PPP2R5E: variants seen among roughly 807,000 people sequenced by gnomAD.
PPP2R5E encodes the protein serine/threonine-protein phosphatase 2A 56 kDa regulatory subunit epsilon isoform.
In PPP2R5E, 4 loss-of-function variants were observed where a neutral mutation model predicts 65.3. The observed-to-expected ratio is 0.06, with a 90% CI of 0.03 to 0.14. The LOEUF is 0.14. PPP2R5E is among the 10% of genes least tolerant of loss of function. The pLI is 1.00. For missense variants in PPP2R5E, 274 were observed against 556.1 expected, an observed-to-expected ratio of 0.49 and a Z score of 5.10; for synonymous variants, 183 against 187.4, an observed-to-expected ratio of 0.98 and a Z score of 0.19.
chr14:63,419,361 T>C (rs759693020), intron 4 of PPP2R5E, among the ~76,000 whole-genome samples: 8 of 152,138 alleles, frequency 5.3e-5, no homozygotes, highest in Admixed American at 6.5e-5. Context: ...TAATAAAAAG[T>C]GAAAAGGTCT....
chr14:63,388,289 C>T (rs575853469), intron 11 of PPP2R5E, among the ~76,000 whole-genome samples: 145 of 152,082 alleles, frequency 9.5e-4, no homozygotes, highest in Admixed American at 2.7e-3. Context: ...TACAGGCGCC[C>T]GCCACCACGT....
chr14:63,462,621 G>C (rs888245530), intron 2 of PPP2R5E, among the ~76,000 whole-genome samples: 2 of 152,142 alleles, frequency 1.3e-5, no homozygotes, highest in Middle Eastern at 3.4e-3. Context: ...TGTTAGTTGA[G>C]TAAGTAAATT....
chr14:63,510,271 C>A (rs1372942483), intron 2 of PPP2R5E, among the ~76,000 whole-genome samples: 2 of 152,188 alleles, frequency 1.3e-5, no homozygotes, highest in Non-Finnish European at 2.9e-5. Flanking sequence ...GAAGAGCCAC[C>A]ACTAAGACCA....
intron 5 of PPP2R5E, among the ~76,000 whole-genome samples, chr14:63,411,154 C>A (rs1048337485): frequency 6.6e-6 from 1 of 152,152 alleles, no homozygotes; most frequent in African/African-American, 2.4e-5. Flanking sequence ...GATAAAGTTA[C>A]AAGGCCTATA....
At chr14:63,418,786 C>T (rs575707966) in intron 4 of PPP2R5E, among the ~76,000 whole-genome samples, 1 of 144,106 alleles carries the variant, frequency 6.9e-6, no homozygotes, top group Non-Finnish European at 1.5e-5. Flanking sequence ...ATTCTTTTGT[C>T]TATTTTTAAA....
chr14:63,444,053 C>T (rs184174893), intron 3 of PPP2R5E, among the ~76,000 whole-genome samples: 6 of 152,288 alleles, frequency 3.9e-5, no homozygotes, highest in East Asian at 1.9e-4. Flanking sequence ...CATGTCACTC[C>T]GCCACACAGA....
chr14:63,405,662 C>G (rs909855455), intron 5 of PPP2R5E, among the ~76,000 whole-genome samples: 1 of 152,194 alleles, frequency 6.6e-6, no homozygotes, highest in African/African-American at 2.4e-5. Flanking sequence ...TGTTGCTAAA[C>G]TCTTGCCACA....
intron 4 of PPP2R5E, among the ~76,000 whole-genome samples, chr14:63,419,680 T>A (rs74060081): frequency 0.016 from 2,372 of 152,304 alleles, 59 homozygotes; most frequent in African/African-American, 0.054. Flanking sequence ...AACTTTACTA[T>A]GAATGAAGGT....
At chr14:63,528,957 CAA>C (rs1893296703) in intron 2 of PPP2R5E, among the ~76,000 whole-genome samples, 1 of 152,004 alleles carries the variant, frequency 6.6e-6, no homozygotes, top group Non-Finnish European at 1.5e-5. Flanking sequence ...AGTGAACAAA[CAA>C]AGATAAAATA....
rs1041549312 is a variant in PPP2R5E, at chr14:63,490,248, C to A, written c.158-36363G>T. Among the ~76,000 whole-genome samples, 4 of 151,754 alleles carry A rather than the reference C, an allele frequency of 2.6e-5. 1 individual carries two copies. ...AACCATATGCAGAACGAAACTCGAC[C>A]CCTACACCTTTCACCATATACAAAA... is the stretch of plus-strand genomic sequence containing the variant. On this transcript the variant is annotated intron_variant, in intron 2 of 13. Coordinates refer to ENST00000337537, the MANE Select transcript of PPP2R5E (RefSeq NM_006246.5).
chr14:63,522,262 C>G (rs967906616), intron 2 of PPP2R5E, among the ~76,000 whole-genome samples: 5 of 152,124 alleles, frequency 3.3e-5, no homozygotes, highest in African/African-American at 1.2e-4. Flanking sequence ...GTTGCCCAGG[C>G]TGGAGTGCAG....
intron 2 of PPP2R5E, among the ~76,000 whole-genome samples, chr14:63,495,029 C>A (rs971182305): frequency 2.0e-5 from 3 of 151,548 alleles, no homozygotes; most frequent in Non-Finnish European, 4.4e-5. Context: ...CATGGTGAAA[C>A]CCCGTATCTA....
rs1889798639 is a variant in PPP2R5E, at chr14:63,466,304, C to A, written c.158-12419G>T. 2.0e-5 allele frequency among the ~76,000 whole-genome samples: 3 copies of A among 148,274 alleles called. No individual in the cohort carries two copies. The South Asian group carries it at 6.4e-4, about 31-fold the overall frequency. ...AAAAAAAACAACAACAAGAGTCAAT[C>A]CAATGTTGCAATGCCAGCTTAGAGA... On this transcript the variant is annotated intron_variant, in intron 2 of 13. Transcript: ENST00000337537.
chr14:63,514,666 C>T (rs573719290), intron 2 of PPP2R5E, among the ~76,000 whole-genome samples: 9 of 152,254 alleles, frequency 5.9e-5, no homozygotes, highest in Admixed American at 3.9e-4. Context: ...AGCAGGTACT[C>T]TAAGCAGCGA....
At chr14:63,444,928 A>C (rs1352782394) in intron 3 of PPP2R5E, among the ~76,000 whole-genome samples, 2 of 152,222 alleles carry the variant, frequency 1.3e-5, no homozygotes, top group Non-Finnish European at 2.9e-5. Context: ...CCACTTTCTG[A>C]AGGAACTACT....
intron 2 of PPP2R5E, among the ~76,000 whole-genome samples, chr14:63,533,011 T>C (rs528166722): frequency 1.3e-5 from 2 of 150,896 alleles, no homozygotes; most frequent in Non-Finnish European, 3.0e-5. Flanking sequence ...TTTTATTGTA[T>C]TTTTTTTTAG....
intron 3 of PPP2R5E, among the ~76,000 whole-genome samples, chr14:63,435,146 T>A (rs1318012216): frequency 1.3e-5 from 2 of 152,212 alleles, no homozygotes; most frequent in East Asian, 3.8e-4. Context: ...AGATCTCATT[T>A]GGGGTGATGA....
chr14:63,526,990 T>C (rs1893211469), intron 2 of PPP2R5E, among the ~76,000 whole-genome samples: 1 of 152,112 alleles, frequency 6.6e-6, no homozygotes. Context: ...ACCAACACAG[T>C]GAAACCCCAT....
At chr14:63,491,020 G>A (rs769905476) in intron 2 of PPP2R5E, among the ~76,000 whole-genome samples, 3 of 151,880 alleles carry the variant, frequency 2.0e-5, no homozygotes, top group Non-Finnish European at 2.9e-5. Context: ...AAAAAATGTG[G>A]AACATATACA....
Sources: allele counts gnomAD v4.1 joint callset (sites outside exome capture counted in the v4.1 genomes callset), GRCh38; gene constraint gnomAD v4.1.1; transcripts MANE v1.5; gene names NCBI Gene and HGNC (gene_info 2026-07-23, HGNC 2026-07-21).